The following SKIDA1 variants were observed in gnomAD, a reference collection of about 807,000 sequenced individuals.
SKIDA1 encodes the protein SKI/DACH domain-containing protein 1.
SKIDA1 carries 18 observed loss-of-function variants against 51.4 expected under a neutral mutation model. The ratio of observed to expected loss-of-function variants is 0.35; its 90% CI spans 0.24 to 0.52. The LOEUF is 0.52. SKIDA1 is among the 20% of genes least tolerant of loss of function. The probability of loss-of-function intolerance (pLI) is 0.95; values close to 1 mark genes in which losing one functional copy is unlikely to be tolerated. For synonymous variants in SKIDA1, 579 were observed against 500.5 expected, an observed-to-expected ratio of 1.16 and a Z score of -2.09; for missense variants, 1,104 against 1,180.6, an observed-to-expected ratio of 0.94 and a Z score of 0.95.
Position 21,519,490 on chromosome 10 carries a change from C to A in SKIDA1, c.-1668G>T, listed in dbSNP as rs1388217766. The stretch of plus-strand genomic sequence containing the variant: ...AAGGGTCCTCCCAGTCGCATTACCA[C>A]GATCCCAAGGCGGCTCCTTGGCTGC... On this transcript the variant is annotated 5_prime_UTR_variant, in exon 4 of 4. Coordinates refer to ENST00000449193, the MANE Select transcript of SKIDA1 (RefSeq NM_207371.4). The A allele has an allele frequency of 6.0e-6, 1 of 167,072 alleles. No homozygotes were observed. The highest frequency in any genetic ancestry group is 6.5e-5 in the Admixed American group (1 of 15,282). 10.3% of individuals were successfully genotyped at this position (167,072 alleles called of 1,614,324 possible).
Position 21,517,334 on chromosome 10 carries a change from CGCGGCGGCGG to C in SKIDA1, c.479_488del (p.Ala160GlyfsTer31). 3 of 1,423,434 alleles carry C rather than the reference CGCGGCGGCGG, an allele frequency of 2.1e-6. No individual in the cohort carries two copies. The highest frequency in any genetic ancestry group is 4.1e-4 in the Middle Eastern group (2 of 4,910). The allele number at this position is 1,423,434 out of a possible 1,614,324, so 88.2% of individuals were successfully genotyped here. On this transcript the variant is annotated frameshift_variant, in exon 4 of 4. Coordinates refer to ENST00000449193, the MANE Select transcript of SKIDA1 (RefSeq NM_207371.4). LOFTEE classifies it high-confidence loss of function. The surrounding 1 kb of genome is among the most constrained non-coding windows in gnomAD (Gnocchi z 6.9). ...TCTGAGGTAGATGGGCGGCGGGGCG[CGCGGCGGCGG>C]CGCCCGGGCGCTGGGACTGCGCGCT...
rs768974799 is a variant in SKIDA1 at position 21,519,069 on chromosome 10, G to C, written c.-1247C>G. The C allele has an allele frequency of 6.0e-6, 1 of 166,976 alleles. No individual in the cohort carries two copies. The highest frequency in any genetic ancestry group is 1.5e-5 in the Non-Finnish European group (1 of 68,112). The allele number at this position is 166,976 out of a possible 1,614,324, so 10.3% of individuals were successfully genotyped here. A position where few individuals can be genotyped will look rare whatever the true frequency, so the allele number is the denominator to read the frequency against. On this transcript the variant is annotated 5_prime_UTR_variant, in exon 4 of 4. Coordinates refer to ENST00000449193, the MANE Select transcript of SKIDA1 (RefSeq NM_207371.4). ...TGTGTACACTTTTCCACAATTAACC[G>C]TACTGGATTGGAGGCGGGATCGTCC...
rs1309275947 is a variant in SKIDA1, at chr10:21,515,565, T to C, written c.2258A>G (p.Gln753Arg). The change falls in exon 4 of 4, where the codon CAA (glutamine) becomes CGA (arginine). Residue 753 changes from glutamine (Q) to arginine (R), a missense_variant. Around this residue, in one of 3 missense-constraint regions of SKIDA1, gnomAD observed 938 missense variants for 886.4 expected, o/e 1.06. Transcript: ENST00000449193. ...KETPSLNPLA[Q>R]SQGLSCTLGS... ...TAAAGTGCATGAAAGGCCCTGACTT[T>C]GAGCCAGTGGATTTAAGGAAGGAGT... is the stretch of plus-strand genomic sequence containing the variant. The C allele has an allele frequency of 6.2e-7, 1 of 1,613,928 alleles. No individual in the cohort carries two copies. The highest frequency in any genetic ancestry group is 1.3e-5 in the African/African-American group (1 of 74,938).
rs1379910758 is a variant in SKIDA1 at position 21,516,558 on chromosome 10, T to TCCTCCTCCTCTC, written c.1253_1264dup (p.Gly418_Glu421dup). ...GCCCCCCTCCTCCTCCTCTTCCTCC[T>TCCTCCTCCTCTC]CCTCCTCCTCTCCCTCCTCCTCCTC... On this transcript the variant is annotated inframe_insertion, in exon 4 of 4. Coordinates refer to ENST00000449193, the MANE Select transcript of SKIDA1 (RefSeq NM_207371.4). The surrounding 1 kb of genome is among the most constrained non-coding windows in gnomAD (Gnocchi z 5.7). 13 of 1,550,370 alleles carry TCCTCCTCCTCTC rather than the reference T, an allele frequency of 8.4e-6. No homozygotes were observed. The highest frequency in any genetic ancestry group is 8.7e-7 in the Non-Finnish European group (1 of 1,145,538).
In SKIDA1 at chr10:21,514,605, C is replaced by G. The variant is rs2032136849; in HGVS notation, c.*491G>C. 2 of 152,670 alleles carry G rather than the reference C, an allele frequency of 1.3e-5. No individual in the cohort carries two copies. The highest frequency in any genetic ancestry group is 1.3e-4 in the Admixed American group (2 of 15,274). The allele number at this position is 152,670 out of a possible 1,614,324, so 9.5% of individuals were successfully genotyped here. On this transcript the variant is annotated 3_prime_UTR_variant, in exon 4 of 4. Transcript: ENST00000449193. ...TCCAGAAAATAACATTTTGGGCTCACAGAAACTTCTTGCTACCTCACCTCA... is the reference window on the plus strand; with the variant it reads ...TCCAGAAAATAACATTTTGGGCTCAGAGAAACTTCTTGCTACCTCACCTCA...
chr10:21,515,492 C>T lies in SKIDA1; in HGVS notation c.2331G>A (p.Val777=), dbSNP rs758166845. The T allele has an allele frequency of 6.2e-7, 1 of 1,613,964 alleles. No individual in the cohort carries two copies. The highest frequency in any genetic ancestry group is 1.7e-5 in the Admixed American group (1 of 60,014). Residue 777 remains valine, a synonymous_variant, in exon 4 of 4, where the codon GTG becomes GTA. Coordinates refer to ENST00000449193, the MANE Select transcript of SKIDA1 (RefSeq NM_207371.4). ...EDGEYKFGAR[V]RKNYRTLVLG... ...GTACTAGTGTCCGGTAATTTTTTCT[C>T]ACCCTGGCACCAAATTTATATTCCC...
At chr10:21,525,316 G>A (rs1228942523) in intron 1 of SKIDA1, among the ~76,000 whole-genome samples, 3 of 152,178 alleles carry the variant, frequency 2.0e-5, no homozygotes, top group Non-Finnish European at 2.9e-5. Context: ...GAAAGGAGAG[G>A]GATTCGTATT....
rs1310498304 is a variant in SKIDA1, at chr10:21,516,964, C to T, written c.859G>A (p.Ala287Thr). ...GAKDCLLAPHAGARRLLLLPR... is the reference protein window; with the variant it reads ...GAKDCLLAPHTGARRLLLLPR... ...AACAGCAGCAGGCGCCGCGCGCCGG[C>T]GTGAGGCGCGAGCAGGCAGTCCTTG... Residue 287 changes from alanine to threonine, a missense_variant, in exon 4 of 4, where the codon GCC becomes ACC. Physicochemically the swap from Ala to Thr is moderately conservative, Grantham distance 58. Around this residue, in one of 3 missense-constraint regions of SKIDA1, gnomAD observed 938 missense variants for 886.4 expected, o/e 1.06. Transcript: ENST00000449193. The surrounding 1 kb of genome is among the most constrained non-coding windows in gnomAD (Gnocchi z 5.7). 1.6e-5 allele frequency: 18 copies of T among 1,153,004 alleles called. 1 individual carries two copies. In the South Asian group the frequency reaches 4.5e-4, roughly 29 times the overall value. 71.4% of individuals were successfully genotyped at this position (1,153,004 alleles called of 1,614,324 possible).
Position 21,515,564 on chromosome 10 carries a change from T to C in SKIDA1, c.2259A>G (p.Gln753=). The C allele has an allele frequency of 1.2e-6, 2 of 1,614,036 alleles. No homozygotes were observed. The highest frequency in any genetic ancestry group is 2.2e-5 in the East Asian group (1 of 44,890). Residue 753 remains glutamine (Q), a synonymous_variant, in exon 4 of 4, where the codon CAA becomes CAG. Transcript: ENST00000449193. ...CTAAAGTGCATGAAAGGCCCTGACT[T>C]TGAGCCAGTGGATTTAAGGAAGGAG... The part of the protein sequence containing the change: ...KETPSLNPLA[Q]SQGLSCTLGS...
chr10:21,517,271 G>A lies in SKIDA1; in HGVS notation c.552C>T (p.Ile184=). 6.8e-7 allele frequency: 1 copy of A among 1,472,878 alleles called. No homozygotes were observed. The highest frequency in any genetic ancestry group is 9.0e-7 in the Non-Finnish European group (1 of 1,109,562). 91.2% of individuals were successfully genotyped at this position (1,472,878 alleles called of 1,614,324 possible). A position where few individuals can be genotyped will look rare whatever the true frequency, so the allele number is the denominator to read the frequency against. Residue 184 remains isoleucine (I), a synonymous_variant, in exon 4 of 4, where the codon ATC becomes ATT. Transcript: ENST00000449193. The surrounding 1 kb of genome is among the most constrained non-coding windows in gnomAD (Gnocchi z 6.9). The part of the protein sequence containing the change: ...SKYPGSHYPE[I]VRSPCKPPLN... ...GAGGGGGTTTGCACGGCGAGCGCAC[G>A]ATCTCCGGGTAGTGCGAGCCGGGGT... is the stretch of plus-strand genomic sequence containing the variant.
chr10:21,523,601 G>A (rs1397495483), intron 2 of SKIDA1, 82 bp downstream of exon 2: 3 of 152,146 alleles, frequency 2.0e-5, no homozygotes, highest in African/African-American at 7.2e-5. Flanking sequence ...CAATTTGTTA[G>A]GGTTGCCCAA....
At position 21,517,377 on chromosome 10, in the gene SKIDA1, A is replaced by G; in HGVS notation, c.446T>C (p.Leu149Pro). 2 of 1,408,454 alleles carry G rather than the reference A, an allele frequency of 1.4e-6. No homozygotes were observed. Among genetic ancestry groups the G allele is most frequent in the Non-Finnish European group, 1.8e-6 (2 of 1,087,898 alleles). 87.2% of individuals were successfully genotyped at this position (1,408,454 alleles called of 1,614,324 possible). Residue 149 changes from leucine to proline, a missense_variant, in exon 4 of 4, where the codon CTG becomes CCG. Transcript: ENST00000449193. This position sits in a 1 kb window ranked among gnomAD's most constrained non-coding sequence, Gnocchi z 6.9. ...WRGLSGAARPLPISAQSQRPG... is the reference protein window; with the variant it reads ...WRGLSGAARPPPISAQSQRPG... The stretch of plus-strand genomic sequence containing the variant: ...GCGCTGGGACTGCGCGCTGATTGGC[A>G]GGGGCCGCGCGGCTCCGCTCAGGCC...
At position 21,515,263 on chromosome 10, in the gene SKIDA1, G is replaced by A; in HGVS notation, c.2560C>T (p.Pro854Ser). ...CCATCTCTCCCAATAATGAGTGATGGTGGACAAGGAAAATTTGCCATGAAA... is the reference window on the plus strand; with the variant it reads ...CCATCTCTCCCAATAATGAGTGATGATGGACAAGGAAAATTTGCCATGAAA... ...FHFMANFPCP[P>S]SLIIGRDGDL... Residue 854 changes from proline to serine, a missense_variant, in exon 4 of 4, where the codon CCA becomes TCA. By Grantham distance (74) the Pro-to-Ser change is moderately conservative. This residue lies in a region of SKIDA1 where 112 missense variants were observed against 168.3 expected (regional missense o/e 0.67). Coordinates refer to ENST00000449193, the MANE Select transcript of SKIDA1 (RefSeq NM_207371.4). 1 of 1,614,000 alleles carries A rather than the reference G, an allele frequency of 6.2e-7. No individual in the cohort carries two copies. Among genetic ancestry groups the A allele is most frequent in the Non-Finnish European group, 8.5e-7 (1 of 1,179,876 alleles).
At position 21,515,315 on chromosome 10, in the gene SKIDA1, T is replaced by C. The variant is rs995755400; in HGVS notation, c.2508A>G (p.Val836=). The change falls in exon 4 of 4, where the codon GTA becomes GTG. Residue 836 remains valine, a synonymous_variant. Coordinates refer to ENST00000449193, the MANE Select transcript of SKIDA1 (RefSeq NM_207371.4). ...GAAATGGCCTTTTCACTGCTGATGC[T>C]ACATTGCTGGCTACCTTTTTGCGTC... ...INRRKKVASN[V]ASAVKRPFHF... The C allele has an allele frequency of 6.2e-7, 1 of 1,614,034 alleles. No homozygotes were observed. The highest frequency in any genetic ancestry group is 8.5e-7 in the Non-Finnish European group (1 of 1,179,888).
intron 1 of SKIDA1, among the ~76,000 whole-genome samples, chr10:21,525,135 G>A (rs749937587): frequency 3.3e-5 from 5 of 152,208 alleles, no homozygotes; most frequent in East Asian, 1.9e-4. Context: ...CTTTCTTGCT[G>A]TTTGAAGGGG....
rs1405361301 is a variant in SKIDA1, at chr10:21,515,793, T to A, written c.2030A>T (p.Lys677Met). The change falls in exon 4 of 4, where the codon AAG (lysine) becomes ATG (methionine). Residue 677 changes from lysine (K) to methionine (M), a missense_variant. By Grantham distance (95) the Lys-to-Met change is moderately conservative. Coordinates refer to ENST00000449193, the MANE Select transcript of SKIDA1 (RefSeq NM_207371.4). ...AENPCTDTGD[K>M]TLPFLHNIKI... is the part of the protein sequence containing the mutation. ...AATATTGTGCAGAAATGGCAATGTC[T>A]TGTCGCCTGTGTCAGTGCAGGGATT... 1 of 1,614,056 alleles carries A rather than the reference T, an allele frequency of 6.2e-7. No individual in the cohort carries two copies. The highest frequency in any genetic ancestry group is 8.5e-7 in the Non-Finnish European group (1 of 1,179,896).
chr10:21,522,383 C>T (rs148848740), intron 2 of SKIDA1, among the ~76,000 whole-genome samples: 23 of 147,914 alleles, frequency 1.6e-4, no homozygotes, highest in African/African-American at 5.5e-4. Flanking sequence ...TAAGGAACAT[C>T]ACAAAGGCCT....
Position 21,513,652 on chromosome 10 carries a change from TATAG to T in SKIDA1, c.*1440_*1443del, listed in dbSNP as rs1240355880. The T allele has an allele frequency of 6.6e-6, 1 of 152,610 alleles. No individual in the cohort carries two copies. Among genetic ancestry groups the T allele is most frequent in the East Asian group, 1.9e-4 (1 of 5,196 alleles). The allele number at this position is 152,610 out of a possible 1,614,324, so 9.5% of individuals were successfully genotyped here. ...GAACTACTTTGATTTTAAGTGCAAA[TATAG>T]ATAGTCACCTCTGATTGTCACTTGC... is the stretch of plus-strand genomic sequence containing the variant. On this transcript the variant is annotated 3_prime_UTR_variant, in exon 4 of 4. Coordinates refer to ENST00000449193, the MANE Select transcript of SKIDA1 (RefSeq NM_207371.4).
chr10:21,521,659 C>G (rs1237296466), intron 2 of SKIDA1, among the ~76,000 whole-genome samples, 179 bp from the exon 3 acceptor site: 1 of 152,056 alleles, frequency 6.6e-6, no homozygotes, highest in Non-Finnish European at 1.5e-5. Flanking sequence ...TGAATTTAGG[C>G]ACATGTATGA....
Sources: allele counts gnomAD v4.1 joint callset (sites outside exome capture counted in the v4.1 genomes callset), GRCh38; gene constraint gnomAD v4.1.1; regional missense constraint gnomAD v4.1.1; non-coding constraint Gnocchi (gnomAD v3.1); transcripts MANE v1.5; gene names NCBI Gene and HGNC (gene_info 2026-07-23, HGNC 2026-07-21).